The following ZC3H12B variants were observed in gnomAD, a reference collection of about 807,000 sequenced individuals.
ZC3H12B encodes the protein zinc finger CCCH-type containing 12B, also known as probable ribonuclease ZC3H12B.
In ZC3H12B, 7 loss-of-function variants were observed where a neutral mutation model predicts 43.9. The observed-to-expected ratio is 0.16, with a 90% confidence interval of 0.09 to 0.30. The LOEUF (loss-of-function observed/expected upper bound fraction) is 0.30, where lower values mean the gene tolerates loss of function less well. Among genes scored for constraint, ZC3H12B ranks in the 10% least tolerant of loss-of-function variants. The pLI is 1.00. For synonymous variants in ZC3H12B, 222 were observed against 241.7 expected (o/e 0.92, Z 0.76); for missense variants, 475 against 670.2 (o/e 0.71, Z 3.22).
At chrX:65,274,083 C>T in the ZC3H12B span, among the ~76,000 whole-genome samples, 1 of 112,052 alleles carries the variant, frequency 8.9e-6, no homozygotes, top group Non-Finnish European at 1.9e-5. Context: ...AGCTTTGTCT[C>T]CCCCACTCAG....
At chrX:65,057,830 A>G in the ZC3H12B span, among the ~76,000 whole-genome samples, 7 of 111,269 alleles carry the variant, frequency 6.3e-5, no homozygotes, top group African/African-American at 2.0e-4. Context: ...CATTTCATTC[A>G]TTTGATCTTC....
At chrX:65,389,601 C>T (rs932547299) in intron 2 of ZC3H12B, among the ~76,000 whole-genome samples, 5 of 112,730 alleles carry the variant, frequency 4.4e-5, no homozygotes, top group East Asian at 2.8e-4. Context: ...GGCGATGCCT[C>T]GCCCTTCCGC....
At chrX:65,331,552 G>GTTTATTTATTTA in the ZC3H12B span, among the ~76,000 whole-genome samples, 412 of 103,744 alleles carry the variant, frequency 4.0e-3, 2 homozygotes, top group African/African-American at 0.014. Context: ...TAAGTTTAAT[G>GTTTATTTATTTA]TTTATTTATT....
At chrX:65,456,049 C>A (rs1434102437) in intron 3 of ZC3H12B, among the ~76,000 whole-genome samples, 1 of 111,478 alleles carries the variant, frequency 9.0e-6, no homozygotes, top group Admixed American at 9.5e-5. Flanking sequence ...ACCATCGAGG[C>A]TAGGAAGAAA....
At chrX:65,284,270 GA>G in the ZC3H12B span, among the ~76,000 whole-genome samples, 3 of 95,900 alleles carry the variant, frequency 3.1e-5, no homozygotes, top group Admixed American at 1.1e-4. Flanking sequence ...AAAAAAACAC[GA>G]AAAAGCAAGG....
At chrX:65,160,512 T>G in the ZC3H12B span, among the ~76,000 whole-genome samples, 276 of 111,902 alleles carry the variant, frequency 2.5e-3, 2 homozygotes, top group African/African-American at 7.9e-3. Context: ...GTCGAGGAAT[T>G]TATCCATTTC....
At chrX:65,477,999 T>G (rs770289733) in intron 3 of ZC3H12B, among the ~76,000 whole-genome samples, 1 of 111,084 alleles carries the variant, frequency 9.0e-6, no homozygotes, top group Non-Finnish European at 1.9e-5. Context: ...TAAAATCTGC[T>G]GTTGATCTCT....
chrX:65,199,589 T>G, the ZC3H12B span, among the ~76,000 whole-genome samples: 2 of 110,235 alleles, frequency 1.8e-5, no homozygotes, highest in African/African-American at 6.6e-5. Context: ...TTTCTGATGC[T>G]CTCCCTAACC....
the ZC3H12B span, among the ~76,000 whole-genome samples, chrX:65,340,483 A>C: frequency 9.0e-6 from 1 of 111,629 alleles, no homozygotes; most frequent in African/African-American, 3.3e-5. Context: ...GTCTGGCAGC[A>C]CCTCCATTCC....
At chrX:65,207,242 G>C in the ZC3H12B span, among the ~76,000 whole-genome samples, 5 of 104,450 alleles carry the variant, frequency 4.8e-5, no homozygotes, top group Admixed American at 1.0e-4. Flanking sequence ...GTGTGTGTGT[G>C]TGTATATATA....
At chrX:65,214,214 G>T in the ZC3H12B span, among the ~76,000 whole-genome samples, 1 of 111,118 alleles carries the variant, frequency 9.0e-6, no homozygotes, top group Non-Finnish European at 1.9e-5. Context: ...CAACATTAGG[G>T]TGGCTGTAGC....
intron 3 of ZC3H12B, among the ~76,000 whole-genome samples, chrX:65,421,413 T>C (rs187708057): frequency 5.7e-4 from 64 of 111,732 alleles, no homozygotes; most frequent in African/African-American, 2.1e-3. Flanking sequence ...CAACCCTGAG[T>C]CCTCAGTACA....
chrX:65,381,306 A>C (rs1455703034), intron 2 of ZC3H12B, among the ~76,000 whole-genome samples: 3 of 111,859 alleles, frequency 2.7e-5, no homozygotes, highest in Non-Finnish European at 5.6e-5. Flanking sequence ...AACTCACTCA[A>C]AACCGCTCAA....
chrX:65,097,068 T>A, the ZC3H12B span, among the ~76,000 whole-genome samples: 2 of 111,762 alleles, frequency 1.8e-5, no homozygotes, highest in South Asian at 7.4e-4. Context: ...TTGTTAAAAT[T>A]TTTTAGAAGA....
chrX:65,318,146 G>T, the ZC3H12B span, among the ~76,000 whole-genome samples: 1 of 107,366 alleles, frequency 9.3e-6, no homozygotes, highest in East Asian at 2.9e-4. Context: ...CAGCAGGCTA[G>T]AAGTGTTCCC....
At chrX:65,389,678 C>A (rs756269726) in intron 2 of ZC3H12B, among the ~76,000 whole-genome samples, 2 of 112,581 alleles carry the variant, frequency 1.8e-5, no homozygotes, top group South Asian at 3.7e-4. Flanking sequence ...GATATAAAAC[C>A]AGTACCTCAA....
At chrX:65,155,120 C>G in the ZC3H12B span, among the ~76,000 whole-genome samples, 2 of 109,989 alleles carry the variant, frequency 1.8e-5, no homozygotes, top group Non-Finnish European at 3.8e-5. Context: ...CCAAACCTGG[C>G]CACTTTTTTG....
chrX:65,097,359 C>T, the ZC3H12B span, among the ~76,000 whole-genome samples: 2 of 111,752 alleles, frequency 1.8e-5, no homozygotes, highest in African/African-American at 3.2e-5. Flanking sequence ...CTAGGTTATT[C>T]ATGAATCATC....
the ZC3H12B span, among the ~76,000 whole-genome samples, chrX:65,162,719 C>T: frequency 1.8e-5 from 2 of 111,741 alleles, no homozygotes; most frequent in South Asian, 3.7e-4. Flanking sequence ...TGAATTTCCT[C>T]CTGTAGCTCA....
Sources: gnomAD v4.1 joint callset for allele counts (sites outside exome capture counted in the v4.1 genomes callset) on GRCh38, gnomAD v4.1.1 for gene constraint, MANE v1.5 for transcripts, NCBI Gene and HGNC (gene_info 2026-07-23, HGNC 2026-07-21) for gene names.